KCND2: variants seen among roughly 807,000 people sequenced by gnomAD.
KCND2 encodes the protein potassium voltage-gated channel subfamily D member 2.
KCND2 carries 16 observed loss-of-function variants against 54.4 expected under a neutral mutation model. The ratio of observed to expected loss-of-function variants is 0.29; its 90% CI spans 0.20 to 0.45. The LOEUF (loss-of-function observed/expected upper bound fraction) is 0.45, where lower values mean the gene tolerates loss of function less well. Among genes scored for constraint, KCND2 ranks in the 20% least tolerant of loss-of-function variants. The pLI is 1.00. For missense variants in KCND2, 486 were observed against 824.2 expected (o/e 0.59, Z 5.02); for synonymous variants, 317 against 310.7 (o/e 1.02, Z -0.21).
At chr7:120,562,152 T>G (rs997418175) in intron 1 of KCND2, among the ~76,000 whole-genome samples, 13 of 152,236 alleles carry the variant, frequency 8.5e-5, no homozygotes, top group Admixed American at 3.3e-4. Context: ...AGGTAGCAGT[T>G]AAAAATATGA....
intron 1 of KCND2, among the ~76,000 whole-genome samples, chr7:120,406,127 G>T (rs1801353207): frequency 6.6e-6 from 1 of 151,768 alleles, no homozygotes; most frequent in Non-Finnish European, 1.5e-5. Context: ...AGCCAGAGAG[G>T]CATATGATAT....
intron 1 of KCND2, among the ~76,000 whole-genome samples, chr7:120,401,318 T>A (rs570347924): frequency 6.6e-6 from 1 of 152,270 alleles, no homozygotes; most frequent in East Asian, 1.9e-4. Flanking sequence ...TTAAGCTGCC[T>A]TTTTCATGTT....
At chr7:120,618,067 G>A (rs1328751446) in intron 1 of KCND2, among the ~76,000 whole-genome samples, 3 of 152,064 alleles carry the variant, frequency 2.0e-5, no homozygotes, top group Non-Finnish European at 2.9e-5. Context: ...GTACTATGCC[G>A]AATACCTGGG....
intron 3 of KCND2, 99 bp downstream of exon 3, chr7:120,741,728 A>G (rs1792944002): frequency 2.4e-6 from 2 of 834,176 alleles, no homozygotes; most frequent in Non-Finnish European, 4.1e-6. Flanking sequence ...AATTATGACA[A>G]TGGCTATCCA....
At chr7:120,597,563 T>A (rs537648189) in intron 1 of KCND2, among the ~76,000 whole-genome samples, 34 of 152,160 alleles carry the variant, frequency 2.2e-4, no homozygotes, top group Non-Finnish European at 4.3e-4. Flanking sequence ...AAATTCTGAA[T>A]GGCCAATTAA....
At chr7:120,648,833 CTACTT>C (rs1435441561) in intron 1 of KCND2, among the ~76,000 whole-genome samples, 2 of 152,206 alleles carry the variant, frequency 1.3e-5, no homozygotes, top group East Asian at 1.9e-4. Flanking sequence ...AATGGCTACT[CTACTT>C]CTTATAACCT....
chr7:120,444,404 A>G (rs190098083), intron 1 of KCND2, among the ~76,000 whole-genome samples: 11 of 152,242 alleles, frequency 7.2e-5, no homozygotes, highest in Admixed American at 6.5e-4. Flanking sequence ...AAGTCAGTAT[A>G]TGGACTTAGC....
At chr7:120,322,527 A>G (rs1245198433) in intron 1 of KCND2, among the ~76,000 whole-genome samples, 3 of 152,140 alleles carry the variant, frequency 2.0e-5, no homozygotes, top group African/African-American at 4.8e-5. Flanking sequence ...AATTATTTCT[A>G]GTTATTTCTA....
chr7:120,490,666 A>G (rs1802766538), intron 1 of KCND2, among the ~76,000 whole-genome samples: 2 of 152,184 alleles, frequency 1.3e-5, no homozygotes, highest in South Asian at 4.2e-4. Context: ...GTGCAGAGTG[A>G]TATTCATGGC....
At chr7:120,686,317 T>C (rs1303179112) in intron 1 of KCND2, among the ~76,000 whole-genome samples, 4 of 152,158 alleles carry the variant, frequency 2.6e-5, no homozygotes, top group African/African-American at 9.7e-5. Flanking sequence ...TAGTTTCAAA[T>C]TTTTGAGAAA....
chr7:120,459,344 GCATGTTCC>G (rs539850662), intron 1 of KCND2, among the ~76,000 whole-genome samples: 73 of 152,206 alleles, frequency 4.8e-4, no homozygotes, highest in African/African-American at 1.8e-3. Context: ...TATCTGCATA[GCATGTTCC>G]CTCACTGCCT....
chr7:120,725,075 A>G (rs1423123237), intron 1 of KCND2, among the ~76,000 whole-genome samples: 1 of 152,186 alleles, frequency 6.6e-6, no homozygotes, highest in East Asian at 1.9e-4. Flanking sequence ...GAGGAAAAAA[A>G]TAGGAAACAG....
At position 120,441,182 on chromosome 7, in the gene KCND2, G is replaced by C. The variant is rs193234810; in HGVS notation, c.1115+165435G>C. ...GAGCACCGTTCTGTAGAATCAAAGA[G>C]ACCTGCATTTGCATCCTGAATTTTT... On this transcript the variant is annotated intron_variant, in intron 1 of 5. Coordinates refer to ENST00000331113, the MANE Select transcript of KCND2 (RefSeq NM_012281.3). 1.6e-4 allele frequency among the ~76,000 whole-genome samples: 24 copies of C among 152,178 alleles called. No individual in the cohort carries two copies. The East Asian group carries it at 3.7e-3, about 23-fold the overall frequency.
chr7:120,325,039 G>A (rs1385703100), intron 1 of KCND2, among the ~76,000 whole-genome samples: 1 of 139,972 alleles, frequency 7.1e-6, no homozygotes, highest in Non-Finnish European at 1.6e-5. Context: ...TGGATTCCTA[G>A]GTATTTTATT....
At chr7:120,579,143 A>G (rs1194683619) in intron 1 of KCND2, among the ~76,000 whole-genome samples, 1 of 152,164 alleles carries the variant, frequency 6.6e-6, no homozygotes, top group Non-Finnish European at 1.5e-5. Context: ...AATAAACCAT[A>G]AATAAACTAT....
chr7:120,340,385 A>G (rs1346182099), intron 1 of KCND2, among the ~76,000 whole-genome samples: 1 of 152,230 alleles, frequency 6.6e-6, no homozygotes, highest in Non-Finnish European at 1.5e-5. Flanking sequence ...TGTTTCATCA[A>G]CTGAGCGGAT....
At chr7:120,662,799 C>A (rs548792005) in intron 1 of KCND2, among the ~76,000 whole-genome samples, 1 of 152,230 alleles carries the variant, frequency 6.6e-6, no homozygotes, top group South Asian at 2.1e-4. Flanking sequence ...GAGTAAAGAT[C>A]TGTGCCTGGT....
intron 1 of KCND2, among the ~76,000 whole-genome samples, chr7:120,557,686 A>G (rs900591000): frequency 2.6e-5 from 4 of 152,096 alleles, no homozygotes; most frequent in Non-Finnish European, 5.9e-5. Context: ...CTATATTGTT[A>G]ATTGATTTAC....
chr7:120,312,333 T>C (rs891075854), intron 1 of KCND2, among the ~76,000 whole-genome samples: 1 of 152,202 alleles, frequency 6.6e-6, no homozygotes, highest in Admixed American at 6.5e-5. Flanking sequence ...TTGTGAGTAG[T>C]GTTGCAATGA....
Sources: allele counts gnomAD v4.1 joint callset (sites outside exome capture counted in the v4.1 genomes callset), GRCh38; gene constraint gnomAD v4.1.1; transcripts MANE v1.5; gene names NCBI Gene and HGNC (gene_info 2026-07-23, HGNC 2026-07-21).